CSGALNACT1: variants seen among roughly 807,000 people sequenced by gnomAD.
The protein encoded by CSGALNACT1 is chondroitin sulfate N-acetylgalactosaminyltransferase 1.
In CSGALNACT1, 52 loss-of-function variants were observed where a neutral mutation model predicts 51.0. The observed-to-expected ratio is 1.02, with a 90% CI of 0.82 to 1.29. The LOEUF is 1.29. Ranked by LOEUF, CSGALNACT1 falls within the 50% of genes most tolerant of loss-of-function variation. The pLI is 0.00. For missense variants in CSGALNACT1, 935 were observed against 679.2 expected (o/e 1.38, Z -4.19); for synonymous variants, 341 against 254.4 (o/e 1.34, Z -3.24).
intron 4 of CSGALNACT1, among the ~76,000 whole-genome samples, chr8:19,504,525 C>T (rs1295456740): frequency 6.6e-6 from 1 of 152,112 alleles, no homozygotes; most frequent in African/African-American, 2.4e-5. Flanking sequence ...AGGCTGCTGT[C>T]TTCTAAAATT....
chr8:19,601,748 C>T (rs2050474630), intron 2 of CSGALNACT1, 23 bp downstream of exon 2: 1 of 448,280 alleles, frequency 2.2e-6, no homozygotes, highest in South Asian at 1.6e-5. Context: ...AGGTTTGTTT[C>T]TTGAGTGAAA....
intron 4 of CSGALNACT1, among the ~76,000 whole-genome samples, chr8:19,477,646 C>G (rs189480189): frequency 6.6e-6 from 1 of 152,332 alleles, no homozygotes; most frequent in African/African-American, 2.4e-5. Context: ...AAAGGAAGGG[C>G]AGGCTCTAGA....
chr8:19,566,241 A>C (rs2041877984), intron 3 of CSGALNACT1, among the ~76,000 whole-genome samples: 1 of 152,216 alleles, frequency 6.6e-6, no homozygotes, highest in Non-Finnish European at 1.5e-5. Flanking sequence ...GTTTTGACAC[A>C]GAAGAGGAAG....
At chr8:19,522,146 C>G (rs1442722533) in intron 3 of CSGALNACT1, among the ~76,000 whole-genome samples, 1 of 152,098 alleles carries the variant, frequency 6.6e-6, no homozygotes, top group African/African-American at 2.4e-5. Flanking sequence ...GTGCCTGTAA[C>G]AGAGTTAATA....
rs547136691 is a variant in CSGALNACT1, at chr8:19,673,269, G to A, written c.-544+9204C>T. The stretch of plus-strand genomic sequence containing the variant: ...TTCCAGGTTTGAGTATTGGTGCTAC[G>A]TAACTACTGCAGCTTCACAACTAAC... On this transcript the variant is annotated intron_variant, in intron 1 of 9. Coordinates refer to the CSGALNACT1 transcript ENST00000332246. Among the ~76,000 whole-genome samples, 109 of 152,328 alleles carry A rather than the reference G, an allele frequency of 7.2e-4. 1 individual carries two copies. In the South Asian group the frequency reaches 0.02, roughly 28 times the overall value.
intron 8 of CSGALNACT1, among the ~76,000 whole-genome samples, chr8:19,409,988 A>G (rs994449984): frequency 2.0e-5 from 3 of 152,146 alleles, no homozygotes; most frequent in African/African-American, 7.2e-5. Context: ...CAGGCTAATT[A>G]TATTTGATAA....
At chr8:19,564,978 C>G (rs1198411679) in intron 3 of CSGALNACT1, among the ~76,000 whole-genome samples, 1 of 152,188 alleles carries the variant, frequency 6.6e-6, no homozygotes, top group Non-Finnish European at 1.5e-5. Context: ...CCATCATGCT[C>G]CATCATGCTG....
At chr8:19,477,124 G>A (rs1330893093) in intron 4 of CSGALNACT1, among the ~76,000 whole-genome samples, 1 of 152,204 alleles carries the variant, frequency 6.6e-6, no homozygotes, top group Non-Finnish European at 1.5e-5. Context: ...TCTCTGACAA[G>A]TTCACAACAT....
At chr8:19,433,525 A>C (rs2059943051) in intron 6 of CSGALNACT1, among the ~76,000 whole-genome samples, 1 of 152,232 alleles carries the variant, frequency 6.6e-6, no homozygotes, top group African/African-American at 2.4e-5. Flanking sequence ...GGGCAGCCAC[A>C]AAGTTAAACA....
chr8:19,529,710 G>C (rs1031170289), intron 3 of CSGALNACT1, among the ~76,000 whole-genome samples: 3 of 152,092 alleles, frequency 2.0e-5, no homozygotes, highest in Non-Finnish European at 2.9e-5. Flanking sequence ...ATGAGGGACA[G>C]ATTCCAGGAC....
intron 1 of CSGALNACT1, among the ~76,000 whole-genome samples, chr8:19,746,783 G>C (rs1381639452): frequency 6.6e-6 from 1 of 152,168 alleles, no homozygotes; most frequent in South Asian, 2.1e-4. Context: ...CCATTTCAAA[G>C]ATTTCTAGCT....
At chr8:19,508,164 G>A (rs938441086) in intron 3 of CSGALNACT1, among the ~76,000 whole-genome samples, 27 of 152,270 alleles carry the variant, frequency 1.8e-4, no homozygotes, top group African/African-American at 5.5e-4. Flanking sequence ...CAATTCACAC[G>A]TTCAGGACCC....
intron 1 of CSGALNACT1, among the ~76,000 whole-genome samples, chr8:19,609,321 T>C (rs918518414): frequency 2.0e-5 from 3 of 148,618 alleles, no homozygotes; most frequent in African/African-American, 7.5e-5. Context: ...CCCTCAGGGA[T>C]CCTACAATTG....
intron 1 of CSGALNACT1, among the ~76,000 whole-genome samples, chr8:19,645,264 C>G (rs745730172): frequency 2.0e-5 from 3 of 152,208 alleles, no homozygotes; most frequent in Admixed American, 1.3e-4. Context: ...TAACTTTAGG[C>G]AGCATGATGC....
chr8:19,459,494 T>A (rs537494336), intron 4 of CSGALNACT1, among the ~76,000 whole-genome samples: 6 of 151,902 alleles, frequency 3.9e-5, no homozygotes, highest in African/African-American at 1.4e-4. Context: ...GTCACATGGG[T>A]TGGGGGACCC....
intron 4 of CSGALNACT1, among the ~76,000 whole-genome samples, chr8:19,468,315 G>A (rs771872787): frequency 2.6e-5 from 4 of 152,174 alleles, no homozygotes; most frequent in Non-Finnish European, 4.4e-5. Flanking sequence ...GAGGCAGTTC[G>A]GCAAGGCTGG....
At chr8:19,537,387 G>A (rs1166300365) in intron 3 of CSGALNACT1, among the ~76,000 whole-genome samples, 2 of 152,134 alleles carry the variant, frequency 1.3e-5, no homozygotes, top group Non-Finnish European at 2.9e-5. Context: ...TCCACCCTTC[G>A]ATTATGGTAA....
chr8:19,516,655 G>A (rs369712340), intron 3 of CSGALNACT1, among the ~76,000 whole-genome samples: 33 of 152,296 alleles, frequency 2.2e-4, no homozygotes, highest in African/African-American at 7.7e-4. Flanking sequence ...GGGCCAGGCA[G>A]AATATCTTCG....
At chr8:19,425,590 T>C (rs1383081356) in intron 6 of CSGALNACT1, among the ~76,000 whole-genome samples, 1 of 152,206 alleles carries the variant, frequency 6.6e-6, no homozygotes, top group African/African-American at 2.4e-5. Context: ...TGGAAGCATC[T>C]ACCTCACTGC....
Sources: allele counts gnomAD v4.1 joint callset (sites outside exome capture counted in the v4.1 genomes callset), GRCh38; gene constraint gnomAD v4.1.1; transcripts MANE v1.5; gene names NCBI Gene and HGNC (gene_info 2026-07-23, HGNC 2026-07-21).